The following ZCWPW2 variants were observed in gnomAD, a reference collection of about 807,000 sequenced individuals.
ZCWPW2 encodes the protein zinc finger CW-type and PWWP domain containing 2, also known as zinc finger CW-type PWWP domain protein 2.
ZCWPW2 carries 45 observed loss-of-function variants against 46.6 expected under a neutral mutation model. That is an observed-to-expected ratio of 0.96 (90% CI 0.76 to 1.24). The LOEUF (loss-of-function observed/expected upper bound fraction) is 1.24. Ranked by LOEUF, ZCWPW2 falls within the 50% of genes most tolerant of loss-of-function variation. The probability of loss-of-function intolerance (pLI) is 0.00; values close to 1 mark genes in which losing one functional copy is unlikely to be tolerated. For missense variants in ZCWPW2, 429 were observed against 403.9 expected, an observed-to-expected ratio of 1.06 and a Z score of -0.53; for synonymous variants, 152 against 137.1, an observed-to-expected ratio of 1.11 and a Z score of -0.76.
intron 1 of ZCWPW2, among the ~76,000 whole-genome samples, chr3:28,377,981 G>A (rs551700108): frequency 6.6e-6 from 1 of 151,930 alleles, no homozygotes; most frequent in African/African-American, 2.4e-5. Flanking sequence ...TGCTGTTTTC[G>A]TCCTTTCTAC....
At position 28,405,200 on chromosome 3, in the gene ZCWPW2, A is replaced by G. The variant is rs1402326830; in HGVS notation, c.-13-7856A>G. 2.0e-5 allele frequency among the ~76,000 whole-genome samples: 3 copies of G among 152,254 alleles called. No individual in the cohort carries two copies. In the Middle Eastern group the frequency reaches 0.01, roughly 518 times the overall value. On this transcript the variant is annotated intron_variant, in intron 2 of 9. Transcript: ENST00000383768. ...CAGTCTTTGATGTTGATCTTTCCACATAATATTGCTATGGTCTGAATGTCT... is the reference window on the plus strand; with the variant it reads ...CAGTCTTTGATGTTGATCTTTCCACGTAATATTGCTATGGTCTGAATGTCT...
chr3:28,364,477 A>T (rs946342542), intron 1 of ZCWPW2, among the ~76,000 whole-genome samples: 2 of 152,104 alleles, frequency 1.3e-5, no homozygotes, highest in Non-Finnish European at 2.9e-5. Context: ...GTAGATACCC[A>T]GTAGTGGGAT....
intron 6 of ZCWPW2, among the ~76,000 whole-genome samples, chr3:28,505,691 G>C (rs1575218875): frequency 6.6e-6 from 1 of 152,016 alleles, no homozygotes; most frequent in South Asian, 2.1e-4. Flanking sequence ...TTTTAACAAG[G>C]AGTTTGTGTA....
intron 6 of ZCWPW2, among the ~76,000 whole-genome samples, chr3:28,497,200 C>T (rs187386186): frequency 1.7e-4 from 26 of 150,712 alleles, no homozygotes; most frequent in African/African-American, 6.3e-4. Flanking sequence ...GTCAACATCC[C>T]TATGCCTGTT....
intron 2 of ZCWPW2, among the ~76,000 whole-genome samples, chr3:28,405,083 T>A (rs1696105844): frequency 6.6e-6 from 1 of 152,114 alleles, no homozygotes; most frequent in African/African-American, 2.4e-5. Flanking sequence ...ACATCTCACA[T>A]AAAAAAAGAA....
intron 1 of ZCWPW2, among the ~76,000 whole-genome samples, chr3:28,377,343 C>T (rs992994139): frequency 6.6e-6 from 1 of 151,984 alleles, no homozygotes; most frequent in African/African-American, 2.4e-5. Flanking sequence ...GCAGTTCTCA[C>T]TAGAACTGAG....
chr3:28,372,458 A>T (rs12496205), intron 1 of ZCWPW2, among the ~76,000 whole-genome samples: 32,961 of 152,132 alleles, frequency 0.22, 3,899 homozygotes, highest in Admixed American at 0.28. Context: ...ATAACTTTTT[A>T]AAAATAACTT....
intron 5 of ZCWPW2, among the ~76,000 whole-genome samples, chr3:28,482,557 T>C (rs564051435): frequency 6.6e-6 from 1 of 152,290 alleles, no homozygotes; most frequent in South Asian, 2.1e-4. Flanking sequence ...TATGTTCAAA[T>C]TTTAAAGAAA....
intron 1 of ZCWPW2, among the ~76,000 whole-genome samples, chr3:28,387,220 A>C (rs1393143194): frequency 1.3e-5 from 2 of 151,914 alleles, no homozygotes; most frequent in African/African-American, 4.8e-5. Flanking sequence ...CCCTTGGACC[A>C]CCTCTCATCT....
chr3:28,359,134 A>G (rs1704845125), intron 1 of ZCWPW2, among the ~76,000 whole-genome samples: 1 of 152,102 alleles, frequency 6.6e-6, no homozygotes, highest in Non-Finnish European at 1.5e-5. Flanking sequence ...TTTAAGTTTG[A>G]TTCTTAATAC....
intron 6 of ZCWPW2, among the ~76,000 whole-genome samples, chr3:28,511,291 A>G (rs1254662091): frequency 6.6e-6 from 1 of 152,186 alleles, no homozygotes; most frequent in Non-Finnish European, 1.5e-5. Context: ...GCTTAAAGTG[A>G]GTTTCGAACA....
intron 1 of ZCWPW2, among the ~76,000 whole-genome samples, chr3:28,358,882 T>G (rs1000828072): frequency 2.6e-5 from 4 of 152,106 alleles, no homozygotes; most frequent in Admixed American, 2.6e-4. Flanking sequence ...ATTTTCTGTT[T>G]GAAAATTGTT....
intron 3 of ZCWPW2, among the ~76,000 whole-genome samples, chr3:28,413,858 T>A (rs181591956): frequency 6.6e-6 from 1 of 152,292 alleles, no homozygotes; most frequent in African/African-American, 2.4e-5. Context: ...TGGCCCACCA[T>A]ACCTTCTTGT....
At chr3:28,485,767 C>A (rs1030472364) in intron 5 of ZCWPW2, among the ~76,000 whole-genome samples, 4 of 151,942 alleles carry the variant, frequency 2.6e-5, no homozygotes, top group African/African-American at 4.8e-5. Flanking sequence ...TCCATCTGGG[C>A]CATTAATGTT....
At chr3:28,422,512 C>G (rs1305572666) in intron 3 of ZCWPW2, among the ~76,000 whole-genome samples, 1 of 152,108 alleles carries the variant, frequency 6.6e-6, no homozygotes, top group Non-Finnish European at 1.5e-5. Context: ...TAGTAATATG[C>G]ATTTACGTCT....
At chr3:28,400,315 A>C (rs1695869462) in intron 2 of ZCWPW2, among the ~76,000 whole-genome samples, 1 of 152,152 alleles carries the variant, frequency 6.6e-6, no homozygotes. Flanking sequence ...ACCTAAGAAT[A>C]ATTGGTGTTC....
intron 5 of ZCWPW2, among the ~76,000 whole-genome samples, chr3:28,485,946 TCA>T (rs1575193388): frequency 6.6e-6 from 1 of 152,096 alleles, no homozygotes; most frequent in East Asian, 1.9e-4. Flanking sequence ...ATATCAATTA[TCA>T]ATTATACTTT....
At chr3:28,477,607 T>C (rs1699277672) in intron 4 of ZCWPW2, among the ~76,000 whole-genome samples, 1 of 152,194 alleles carries the variant, frequency 6.6e-6, no homozygotes, top group Admixed American at 6.5e-5. Context: ...AGAGTTGATA[T>C]TAATTTGGGG....
chr3:28,471,418 G>T (rs1243925561), intron 4 of ZCWPW2, among the ~76,000 whole-genome samples: 1 of 152,104 alleles, frequency 6.6e-6, no homozygotes, highest in Non-Finnish European at 1.5e-5. Flanking sequence ...GATCAAGTGG[G>T]TTTTATCCCA....
Sources: gnomAD v4.1 joint callset for allele counts (sites outside exome capture counted in the v4.1 genomes callset) on GRCh38, gnomAD v4.1.1 for gene constraint, MANE v1.5 for transcripts, NCBI Gene and HGNC (gene_info 2026-07-23, HGNC 2026-07-21) for gene names.